Variants in KLHL4 observed in about 807,000 individuals in gnomAD.
KLHL4 encodes the protein kelch-like protein 4.
Under a neutral mutation model 45.8 loss-of-function variants are expected in KLHL4, and 17 were observed. The observed-to-expected ratio is 0.37, with a 90% CI of 0.25 to 0.56. KLHL4 has a LOEUF of 0.56. Among genes scored for constraint, KLHL4 ranks in the 20% least tolerant of loss-of-function variants. The probability of loss-of-function intolerance (pLI) is 0.79; values close to 1 mark genes in which losing one functional copy is unlikely to be tolerated. For missense variants in KLHL4, 544 were observed against 544.9 expected, an observed-to-expected ratio of 1.00 and a Z score of 0.02; for synonymous variants, 224 against 189.9, an observed-to-expected ratio of 1.18 and a Z score of -1.47.
chrX:87,598,186 T>C (rs1225001869), intron 1 of KLHL4, among the ~76,000 whole-genome samples: 1 of 111,098 alleles, frequency 9.0e-6, no homozygotes, highest in Non-Finnish European at 1.9e-5. Context: ...CAACCTATTA[T>C]TCTCTGCTTA....
At chrX:87,591,954 T>G (rs1921679262) in intron 1 of KLHL4, among the ~76,000 whole-genome samples, 1 of 111,077 alleles carries the variant, frequency 9.0e-6, no homozygotes, top group South Asian at 3.8e-4. Flanking sequence ...GGATATTAAC[T>G]CTATGAAACT....
chrX:87,532,543 A>G (rs1431867413), intron 1 of KLHL4, among the ~76,000 whole-genome samples: 1 of 104,282 alleles, frequency 9.6e-6, no homozygotes, highest in Non-Finnish European at 2.0e-5. Context: ...CATTTTCACG[A>G]TATTGATTCT....
chrX:87,661,236 G>T (rs1419034791), intron 9 of KLHL4, among the ~76,000 whole-genome samples: 1 of 111,725 alleles, frequency 9.0e-6, no homozygotes, highest in Non-Finnish European at 1.9e-5. Context: ...GAAGCTTGTT[G>T]TTGGGGCTTC....
In KLHL4 at chrX:87,667,759, T is replaced by G; in HGVS notation, c.*1225T>G. On this transcript the variant is annotated 3_prime_UTR_variant, in exon 11 of 11. Coordinates refer to ENST00000373119, the MANE Select transcript of KLHL4 (RefSeq NM_019117.5). Reference sequence around the variant, plus strand: ...CAAGTAAATGCACAACTTTAGAATTTCTACAAATAAGTTCTTTTAAACAGT... The same window carrying G: ...CAAGTAAATGCACAACTTTAGAATTGCTACAAATAAGTTCTTTTAAACAGT... The G allele has an allele frequency of 1.4e-6, 1 of 702,733 alleles. No homozygotes were observed. Among genetic ancestry groups the G allele is most frequent in the Non-Finnish European group, 1.7e-6 (1 of 592,164 alleles). The allele number at this position is 702,733 out of a possible 1,213,427, so 57.9% of individuals were successfully genotyped here.
intron 1 of KLHL4, among the ~76,000 whole-genome samples, chrX:87,606,429 A>G (rs1421972980): frequency 9.0e-6 from 1 of 111,527 alleles, no homozygotes; most frequent in East Asian, 2.8e-4. Context: ...AATATCAATG[A>G]AATTAAGAAT....
intron 9 of KLHL4, among the ~76,000 whole-genome samples, chrX:87,657,841 C>G (rs1191374953): frequency 8.9e-6 from 1 of 111,737 alleles, no homozygotes; most frequent in Non-Finnish European, 1.9e-5. Flanking sequence ...TCAGGCATAC[C>G]CATAATCAGG....
chrX:87,604,432 CT>C (rs869135314), intron 1 of KLHL4, among the ~76,000 whole-genome samples: 2 of 110,390 alleles, frequency 1.8e-5, no homozygotes, highest in African/African-American at 3.3e-5. Flanking sequence ...TTCTTTTTTT[CT>C]TTTTTTTCTT....
intron 1 of KLHL4, among the ~76,000 whole-genome samples, chrX:87,518,998 T>G: frequency 8.9e-6 from 1 of 111,835 alleles, no homozygotes; most frequent in Non-Finnish European, 1.9e-5. Flanking sequence ...GACGATATAG[T>G]GTAGTTTGGG....
chrX:87,566,862 A>T (rs984153722), intron 1 of KLHL4, among the ~76,000 whole-genome samples: 1 of 111,405 alleles, frequency 9.0e-6, no homozygotes, highest in Non-Finnish European at 1.9e-5. Context: ...AGCATTTGGC[A>T]TGAGAACACA....
At chrX:87,534,539 A>T (rs1931389198) in intron 1 of KLHL4, among the ~76,000 whole-genome samples, 1 of 111,410 alleles carries the variant, frequency 9.0e-6, no homozygotes, top group African/African-American at 3.3e-5. Flanking sequence ...CGGATGCTTA[A>T]AAACAATAGA....
chrX:87,656,084 G>A (rs1923980874), intron 9 of KLHL4, among the ~76,000 whole-genome samples: 1 of 110,725 alleles, frequency 9.0e-6, no homozygotes. Flanking sequence ...TTCCTTTATA[G>A]GTTACTATAT....
intron 1 of KLHL4, among the ~76,000 whole-genome samples, chrX:87,549,004 A>G (rs1324646722): frequency 9.1e-6 from 1 of 110,473 alleles, no homozygotes; most frequent in Non-Finnish European, 1.9e-5. Context: ...AAAATTGCCT[A>G]TTGATCTTTT....
chrX:87,597,146 T>C (rs1921863620), intron 1 of KLHL4, among the ~76,000 whole-genome samples: 1 of 111,948 alleles, frequency 8.9e-6, no homozygotes, highest in South Asian at 3.7e-4. Context: ...TGTTTACTCA[T>C]CAGTGAAATT....
At chrX:87,632,079 A>G (rs963636477) in intron 6 of KLHL4, 131 bp from the exon 7 acceptor site, 5 of 431,245 alleles carry the variant, frequency 1.2e-5, no homozygotes, top group Admixed American at 8.6e-5. Flanking sequence ...TACCTGAGCT[A>G]CTTACTTAAT....
At position 87,669,064 on chromosome X, in the gene KLHL4, G is replaced by C; in HGVS notation, c.*2530G>C. On this transcript the variant is annotated 3_prime_UTR_variant, in exon 11 of 11. Transcript: ENST00000373119. ...TTAATTGGGAAAAGGAGGAGTAAGAGCAGGCCCTTTCTGACATGCTTTAGC... is the reference window on the plus strand; with the variant it reads ...TTAATTGGGAAAAGGAGGAGTAAGACCAGGCCCTTTCTGACATGCTTTAGC... The C allele has an allele frequency of 1.1e-6, 1 of 890,308 alleles. No individual in the cohort carries two copies. The highest frequency in any genetic ancestry group is 1.4e-6 in the Non-Finnish European group (1 of 726,590). The allele number at this position is 890,308 out of a possible 1,213,427, so 73.4% of individuals were successfully genotyped here.
At chrX:87,595,653 A>G (rs1044642320) in intron 1 of KLHL4, among the ~76,000 whole-genome samples, 6 of 111,193 alleles carry the variant, frequency 5.4e-5, no homozygotes, top group African/African-American at 1.6e-4. Flanking sequence ...TTTTTACATT[A>G]CTTGGCCATT....
chrX:87,569,777 T>C (rs1932294677), intron 1 of KLHL4, among the ~76,000 whole-genome samples: 1 of 111,212 alleles, frequency 9.0e-6, no homozygotes, highest in African/African-American at 3.3e-5. Context: ...TAGACGAACG[T>C]AAAGAGACAG....
rs778667644 is a variant in KLHL4 at position 87,569,882 on chromosome X, G to A, written c.423-43995G>A. On this transcript the variant is annotated intron_variant, in intron 1 of 10. Coordinates refer to ENST00000373119, the MANE Select transcript of KLHL4 (RefSeq NM_019117.5). ...AGTTTCCTTTTGAGGTGGTGAAAAT[G>A]TTTCGGAAATAAATGTTGATGATGG... Among the ~76,000 whole-genome samples the A allele has an allele frequency of 6.3e-5, 7 of 111,250 alleles. No homozygotes were observed. The South Asian group carries it at 1.1e-3, about 18-fold the overall frequency.
intron 1 of KLHL4, among the ~76,000 whole-genome samples, chrX:87,561,101 A>G (rs184441892): frequency 1.8e-5 from 2 of 111,738 alleles, no homozygotes; most frequent in East Asian, 5.7e-4. Flanking sequence ...GCAAAAATGA[A>G]TAAGACCTTG....
Sources: allele counts gnomAD v4.1 joint callset (sites outside exome capture counted in the v4.1 genomes callset), GRCh38; gene constraint gnomAD v4.1.1; transcripts MANE v1.5; gene names NCBI Gene and HGNC (gene_info 2026-07-23, HGNC 2026-07-21).